The following NRG4 variants were observed in gnomAD, a reference collection of about 807,000 sequenced individuals.
NRG4 encodes pro-neuregulin-4, membrane-bound isoform.
In NRG4, 10 loss-of-function variants were observed where a neutral mutation model predicts 15.0. The observed-to-expected ratio is 0.67, with a 90% CI of 0.41 to 1.13. NRG4 has a LOEUF of 1.13. NRG4 is among the 50% of genes most tolerant of loss of function. The pLI, the probability that NRG4 is intolerant of heterozygous loss-of-function variation, is 0.00. For synonymous variants in NRG4, 41 were observed against 50.1 expected, an observed-to-expected ratio of 0.82 and a Z score of 0.77; for missense variants, 139 against 140.2, an observed-to-expected ratio of 0.99 and a Z score of 0.04.
intron 5 of NRG4, chr15:76,035,857 G>A (rs1468033213): frequency 1.3e-5 from 2 of 152,184 alleles, no homozygotes; most frequent in Non-Finnish European, 2.9e-5. Flanking sequence ...GCCAATAGCA[G>A]CTATTGTTGA....
chr15:75,952,381 A>C (rs1398791248), intron 5 of NRG4, among the ~76,000 whole-genome samples: 1 of 152,158 alleles, frequency 6.6e-6, no homozygotes, highest in African/African-American at 2.4e-5. Flanking sequence ...GTTGTTTTCA[A>C]AGTCCATCCA....
intron 3 of NRG4, among the ~76,000 whole-genome samples, chr15:75,993,618 G>A (rs1156720665): frequency 6.6e-6 from 1 of 151,468 alleles, no homozygotes. Flanking sequence ...AGAATCACTG[G>A]AACCCAGGAG....
In NRG4 at chr15:76,053,228, T is replaced by C. The variant is rs1366593976; in HGVS notation, c.-261-245A>G. 5 of 150,986 alleles carry C rather than the reference T, an allele frequency of 3.3e-5. 1 individual carries two copies. Among genetic ancestry groups the C allele is most frequent in the African/African-American group, 1.2e-4 (5 of 40,472 alleles). 9.4% of individuals were successfully genotyped at this position (150,986 alleles called of 1,614,324 possible). On this transcript the variant is annotated intron_variant, in intron 2 of 8. Coordinates refer to the NRG4 transcript ENST00000563910. The stretch of plus-strand genomic sequence containing the variant: ...CCTCAAACTTATTTAGGCACAACTT[T>C]GTGTACATACGTGAGGCAGTGAGGC...
intron 5 of NRG4, among the ~76,000 whole-genome samples, chr15:75,947,566 C>G (rs1158102991): frequency 1.3e-5 from 2 of 152,162 alleles, no homozygotes. Context: ...AAGACAAGAA[C>G]CAAGGTCTCA....
upstream of NRG4, among the ~76,000 whole-genome samples, chr15:76,015,391 G>A (rs952948125): frequency 1.3e-5 from 2 of 152,206 alleles, no homozygotes; most frequent in African/African-American, 4.8e-5. Context: ...GAATAGGAAT[G>A]GTGAGAGAGG....
intron 3 of NRG4, among the ~76,000 whole-genome samples, chr15:76,003,127 A>C (rs1280136701): frequency 6.6e-6 from 1 of 152,204 alleles, no homozygotes; most frequent in Non-Finnish European, 1.5e-5. Context: ...TTCTCTCACT[A>C]TAATGGAATT....
At chr15:75,944,557 T>C (rs2031340749) in intron 5 of NRG4, among the ~76,000 whole-genome samples, 1 of 152,146 alleles carries the variant, frequency 6.6e-6, no homozygotes. Context: ...TAAGGCTTGA[T>C]GGTGTGGTGG....
intron 5 of NRG4, among the ~76,000 whole-genome samples, chr15:75,947,296 G>A (rs944888817): frequency 1.3e-5 from 2 of 152,166 alleles, no homozygotes; most frequent in African/African-American, 2.4e-5. Flanking sequence ...TGTGCACCCA[G>A]AGGACCAGCC....
At chr15:75,987,459 T>C (rs1314001841) in intron 3 of NRG4, among the ~76,000 whole-genome samples, 2 of 152,120 alleles carry the variant, frequency 1.3e-5, no homozygotes, top group Non-Finnish European at 2.9e-5. Flanking sequence ...TCCAATGTGA[T>C]GGTATTATGA....
At position 76,050,102 on chromosome 15, in the gene NRG4, A is replaced by G. The variant is rs116325821; in HGVS notation, c.-105+1965T>C. On this transcript the variant is annotated intron_variant, in intron 4 of 8. Transcript: ENST00000563910. ...GTTTACCTATTCTATCATTAGAAAT[A>G]TATCATGTTAGCCTTAGACATAAAT... is the stretch of plus-strand genomic sequence containing the variant. Among the ~76,000 whole-genome samples, 33 of 151,080 alleles carry G rather than the reference A, an allele frequency of 2.2e-4. 1 individual carries two copies. Among genetic ancestry groups the G allele is most frequent in the African/African-American group, 7.9e-4 (32 of 40,586 alleles).
chr15:76,059,096 C>T (rs1160447535), intron 1 of NRG4, among the ~76,000 whole-genome samples: 1 of 152,158 alleles, frequency 6.6e-6, no homozygotes, highest in Non-Finnish European at 1.5e-5. Flanking sequence ...AGCACATAAG[C>T]AGGTCGACAG....
intron 3 of NRG4, among the ~76,000 whole-genome samples, chr15:75,984,939 G>T (rs1490491308): frequency 6.6e-6 from 1 of 152,098 alleles, no homozygotes; most frequent in East Asian, 1.9e-4. Context: ...CCACCTCCCA[G>T]GTTCAAGTGA....
At chr15:75,948,439 A>G (rs1029051456) in intron 5 of NRG4, among the ~76,000 whole-genome samples, 1 of 152,014 alleles carries the variant, frequency 6.6e-6, no homozygotes, top group African/African-American at 2.4e-5. Flanking sequence ...AGCTGGGACT[A>G]CAGGCACGTG....
chr15:76,030,969 C>CA (rs1032745031), intron 5 of NRG4, among the ~76,000 whole-genome samples: 2 of 151,804 alleles, frequency 1.3e-5, no homozygotes, highest in South Asian at 2.1e-4. Flanking sequence ...GAACATAGAC[C>CA]AAAAAAATCC....
intron 5 of NRG4, among the ~76,000 whole-genome samples, chr15:76,018,997 C>A (rs561153012): frequency 6.6e-6 from 1 of 151,962 alleles, no homozygotes; most frequent in African/African-American, 2.4e-5. Context: ...CTGACTGGGG[C>A]TGCTGCCTTT....
At chr15:76,059,959 G>A (rs2036259759), upstream of NRG4, 1 of 149,848 alleles carries the variant, frequency 6.7e-6, no homozygotes, top group Admixed American at 6.6e-5. Context: ...AGCCCCGGGA[G>A]CGCGAGCCGC....
At chr15:76,043,453 C>T (rs1596057178) in intron 4 of NRG4, among the ~76,000 whole-genome samples, 1 of 152,152 alleles carries the variant, frequency 6.6e-6, no homozygotes, top group Non-Finnish European at 1.5e-5. Context: ...AGCAAAGTTA[C>T]AGGATACAAA....
downstream of NRG4, chr15:75,936,917 T>C (rs982442864): frequency 6.6e-6 from 1 of 152,152 alleles, no homozygotes; most frequent in Admixed American, 6.5e-5. Context: ...GTTTTTGCTA[T>C]ATAGTGACTG....
chr15:76,006,456 C>T (rs2034608904), intron 3 of NRG4, among the ~76,000 whole-genome samples: 1 of 152,010 alleles, frequency 6.6e-6, no homozygotes. Context: ...TGTTACTGAA[C>T]CTGCAGTCAC....
Sources: allele counts gnomAD v4.1 joint callset (sites outside exome capture counted in the v4.1 genomes callset), GRCh38; gene constraint gnomAD v4.1.1; transcripts MANE v1.5; gene names NCBI Gene and HGNC (gene_info 2026-07-23, HGNC 2026-07-21).